The following FAM193A variants were observed in gnomAD, a reference collection of about 807,000 sequenced individuals.
The protein encoded by FAM193A is protein FAM193A.
FAM193A carries 22 observed loss-of-function variants against 126.5 expected under a neutral mutation model. The ratio of observed to expected loss-of-function variants is 0.17; its 90% CI spans 0.12 to 0.25. FAM193A has a LOEUF of 0.25. Among genes scored for constraint, FAM193A ranks in the 10% least tolerant of loss-of-function variants. The pLI, the probability that FAM193A is intolerant of heterozygous loss-of-function variation, is 1.00. For missense variants in FAM193A, 1,675 were observed against 1,672.8 expected (o/e 1.00, Z -0.02); for synonymous variants, 761 against 646.8 (o/e 1.18, Z -2.68).
At position 2,659,413 on chromosome 4, in the gene FAM193A, C is replaced by G. The variant is rs1577154059; in HGVS notation, c.1390-145C>G. 3.3e-5 allele frequency: 21 copies of G among 643,578 alleles called. No homozygotes were observed. In the East Asian group the frequency reaches 5.8e-4, roughly 18 times the overall value. 39.9% of individuals were successfully genotyped at this position (643,578 alleles called of 1,614,324 possible). A position where few individuals can be genotyped will look rare whatever the true frequency, so the allele number is the denominator to read the frequency against. On this transcript the variant is annotated intron_variant, in intron 8 of 20. Transcript: ENST00000637812. ...CCCCAGCTTGCTGCCGACTCCAGGT[C>G]TGCTGCCCCTGTATTCCTGGTCCTG... is the stretch of plus-strand genomic sequence containing the variant.
chr4:2,706,522 C>G (rs1360391695), intron 19 of FAM193A, among the ~76,000 whole-genome samples: 2 of 151,826 alleles, frequency 1.3e-5, no homozygotes, highest in Non-Finnish European at 2.9e-5. Flanking sequence ...TCTCAAACTC[C>G]CAATCTCAGG....
intron 7 of FAM193A, among the ~76,000 whole-genome samples, chr4:2,652,316 C>T (rs1012762269): frequency 6.6e-6 from 1 of 152,158 alleles, no homozygotes; most frequent in Admixed American, 6.5e-5. Flanking sequence ...CTCCCTTTCT[C>T]CTGCATTTGG....
intron 19 of FAM193A, among the ~76,000 whole-genome samples, chr4:2,713,746 G>A (rs1221227665): frequency 6.6e-6 from 1 of 152,160 alleles, no homozygotes; most frequent in African/African-American, 2.4e-5. Flanking sequence ...AGTGTTCCCA[G>A]GTGTCTTCAG....
chr4:2,626,644 A>G, intron 4 of FAM193A, 67 bp downstream of exon 4: 1 of 653,456 alleles, frequency 1.5e-6, no homozygotes. Flanking sequence ...ACTTGGAGCC[A>G]CTCCTTTCAG....
At chr4:2,553,950 C>T (rs1342489028) in intron 1 of FAM193A, among the ~76,000 whole-genome samples, 3 of 152,102 alleles carry the variant, frequency 2.0e-5, no homozygotes, top group Non-Finnish European at 4.4e-5. Flanking sequence ...TGCCTTCCAC[C>T]GTGATTGTGA....
At chr4:2,561,498 T>C (rs1221558871) in intron 1 of FAM193A, among the ~76,000 whole-genome samples, 2 of 63,664 alleles carry the variant, frequency 3.1e-5, no homozygotes, top group Non-Finnish European at 7.0e-5. Context: ...TAGAGATTTC[T>C]TTTTTTTTTT....
At chr4:2,548,818 CT>C (rs1421755178) in intron 1 of FAM193A, among the ~76,000 whole-genome samples, 9 of 151,674 alleles carry the variant, frequency 5.9e-5, no homozygotes. Flanking sequence ...CCAATTTTTT[CT>C]TTTGTGGATC....
chr4:2,538,315 C>T (rs1457014293), intron 1 of FAM193A, among the ~76,000 whole-genome samples: 1 of 151,854 alleles, frequency 6.6e-6, no homozygotes, highest in African/African-American at 2.4e-5. Context: ...GATTCTCCTG[C>T]CTCAGCCTCT....
At chr4:2,618,880 G>C (rs1742369372) in intron 2 of FAM193A, among the ~76,000 whole-genome samples, 1 of 152,098 alleles carries the variant, frequency 6.6e-6, no homozygotes, top group Non-Finnish European at 1.5e-5. Flanking sequence ...ACAGGTGTGA[G>C]CCACTGCGCC....
At chr4:2,562,451 A>T (rs1738675964) in intron 1 of FAM193A, among the ~76,000 whole-genome samples, 2 of 152,110 alleles carry the variant, frequency 1.3e-5, no homozygotes, top group African/African-American at 4.8e-5. Context: ...CCTGCCTTTA[A>T]GATCATTTAA....
intron 2 of FAM193A, among the ~76,000 whole-genome samples, chr4:2,618,941 A>G (rs1031650227): frequency 3.9e-5 from 6 of 152,114 alleles, no homozygotes; most frequent in Non-Finnish European, 8.8e-5. Context: ...CATGTTGGTC[A>G]GACTGGTCTC....
intron 2 of FAM193A, among the ~76,000 whole-genome samples, chr4:2,614,822 C>G (rs1392932394): frequency 1.3e-5 from 2 of 152,100 alleles, no homozygotes; most frequent in Admixed American, 1.3e-4. Flanking sequence ...GTGAACTGTG[C>G]TAGTTTTTGT....
intron 1 of FAM193A, among the ~76,000 whole-genome samples, chr4:2,550,025 CTTT>C (rs35806343): frequency 1.5e-5 from 2 of 132,178 alleles, no homozygotes; most frequent in African/African-American, 5.7e-5. Flanking sequence ...CCGCACCTGG[CTTT>C]TTTTTTTTTT....
At chr4:2,548,419 T>C (rs1331474084) in intron 1 of FAM193A, among the ~76,000 whole-genome samples, 1 of 152,086 alleles carries the variant, frequency 6.6e-6, no homozygotes, top group Non-Finnish European at 1.5e-5. Flanking sequence ...ATTCAAATCC[T>C]TTGTCATATA....
chr4:2,586,914 A>G (rs1740272393), intron 1 of FAM193A, among the ~76,000 whole-genome samples: 1 of 152,108 alleles, frequency 6.6e-6, no homozygotes, highest in Admixed American at 6.5e-5. Flanking sequence ...AAGCCTCCCA[A>G]AGTGCTGGGA....
chr4:2,640,831 G>T (rs1166361541), intron 6 of FAM193A, among the ~76,000 whole-genome samples: 2 of 151,900 alleles, frequency 1.3e-5, no homozygotes, highest in Non-Finnish European at 2.9e-5. Flanking sequence ...CGGGCTTGGT[G>T]GCACATACCT....
intron 1 of FAM193A, among the ~76,000 whole-genome samples, chr4:2,539,328 C>G (rs970763210): frequency 2.6e-5 from 4 of 152,112 alleles, no homozygotes; most frequent in African/African-American, 9.7e-5. Context: ...CTTAGTTTTA[C>G]TAATTACTAA....
rs1740370439 is a variant in FAM193A at position 2,588,790 on chromosome 4, T to G, written c.256-7294T>G. On this transcript the variant is annotated intron_variant, in intron 1 of 20. Transcript: ENST00000637812. ...TGCAAAATGACTGGTTACTGTGATT[T>G]TTCAGGACCTTCAGAGATTGAAGGG... Among the ~76,000 whole-genome samples the G allele has an allele frequency of 2.0e-5, 3 of 152,212 alleles. 1 individual carries two copies. In the South Asian group the frequency reaches 6.2e-4, roughly 32 times the overall value.
chr4:2,585,558 C>A (rs1170083104), intron 1 of FAM193A, among the ~76,000 whole-genome samples: 1 of 152,164 alleles, frequency 6.6e-6, no homozygotes, highest in Non-Finnish European at 1.5e-5. Context: ...AGTTGTATAT[C>A]TTTTTCCTAT....
Sources: allele counts gnomAD v4.1 joint callset (sites outside exome capture counted in the v4.1 genomes callset), GRCh38; gene constraint gnomAD v4.1.1; transcripts MANE v1.5; gene names NCBI Gene and HGNC (gene_info 2026-07-23, HGNC 2026-07-21).